The following CDC7 variants were observed in gnomAD, a reference collection of about 807,000 sequenced individuals.
CDC7 encodes the protein cell division cycle 7.
Under a neutral mutation model 53.5 loss-of-function variants are expected in CDC7, and 34 were observed. The ratio of observed to expected loss-of-function variants is 0.64; its 90% confidence interval spans 0.48 to 0.85. The LOEUF is 0.85. CDC7 is among the 40% of genes least tolerant of loss of function. CDC7 has a pLI of 0.00. For synonymous variants in CDC7, 211 were observed against 222.8 expected (o/e 0.95, Z 0.47); for missense variants, 594 against 679.7 (o/e 0.87, Z 1.40).
At chr1:91,508,544 C>A (rs904588431) in intron 4 of CDC7, 147 bp downstream of exon 4, 3 of 586,388 alleles carry the variant, frequency 5.1e-6, no homozygotes, top group African/African-American at 1.9e-5. Flanking sequence ...TTCCTTCTAA[C>A]CTTGCAATAG....
chr1:91,508,881 T>TC (rs1410094065), intron 4 of CDC7, among the ~76,000 whole-genome samples: 1 of 152,146 alleles, frequency 6.6e-6, no homozygotes, highest in African/African-American at 2.4e-5. Flanking sequence ...ATTTCTTTGT[T>TC]CCCCCTTACA....
chr1:91,506,617 C>A (rs1198916384), intron 2 of CDC7, among the ~76,000 whole-genome samples: 1 of 152,034 alleles, frequency 6.6e-6, no homozygotes, highest in African/African-American at 2.4e-5. Flanking sequence ...TTTTTACATA[C>A]CCATTGCTGA....
chr1:91,513,543 T>C (rs1667400087), intron 7 of CDC7, among the ~76,000 whole-genome samples: 1 of 152,216 alleles, frequency 6.6e-6, no homozygotes, highest in South Asian at 2.1e-4. Context: ...TTAACTATTA[T>C]GAAATCATAT....
chr1:91,502,477 C>A (rs747749221), intron 2 of CDC7, among the ~76,000 whole-genome samples: 3 of 151,926 alleles, frequency 2.0e-5, no homozygotes, highest in South Asian at 4.1e-4. Context: ...GTAGCCAGAT[C>A]ATCTTTCCCA....
In CDC7 at chr1:91,525,431, A is replaced by AGT. The variant is rs13447561; in HGVS notation, c.*997_*998dup. 0.045 allele frequency: 6,796 copies of AGT among 152,190 alleles called. 374 individuals are homozygous for AGT. The highest frequency in any genetic ancestry group is 0.17 in the East Asian group (891 of 5,166). The allele number at this position is 152,190 out of a possible 1,614,324, so 9.4% of individuals were successfully genotyped here. A position where few individuals can be genotyped will look rare whatever the true frequency, so the allele number is the denominator to read the frequency against. ...GGTGGGTTGGGAAGACAGATAATGA[A>AGT]GTAGGCAAAGAGAAAAGGACCCAAG... On this transcript the variant is annotated 3_prime_UTR_variant, in exon 12 of 12. Transcript: ENST00000234626.
chr1:91,513,314 T>G lies in CDC7; in HGVS notation c.822+7T>G, dbSNP rs776300794. The G allele has an allele frequency of 1.9e-6, 3 of 1,610,198 alleles. No homozygotes were observed. The highest frequency in any genetic ancestry group is 4.5e-5 in the East Asian group (2 of 44,858). ...ACAAGGAAAAGACGGAAAGGTTCTA[T>G]CTCTTTTATTTCTTAAGTACCGACA... On this transcript the variant is annotated splice_region_variant and intron_variant, in intron 7 of 11. Coordinates refer to ENST00000234626, the MANE Select transcript of CDC7 (RefSeq NM_003503.4).
At chr1:91,505,201 G>T (rs1464998658) in intron 2 of CDC7, among the ~76,000 whole-genome samples, 1 of 152,134 alleles carries the variant, frequency 6.6e-6, no homozygotes, top group Non-Finnish European at 1.5e-5. Context: ...CAAGTACAAA[G>T]ACCCTGAGAT....
At chr1:91,506,811 G>A (rs962060435) in intron 2 of CDC7, among the ~76,000 whole-genome samples, 3 of 152,072 alleles carry the variant, frequency 2.0e-5, no homozygotes, top group African/African-American at 7.2e-5. Context: ...TTAGCTGGGC[G>A]TGGTGTTGCG....
chr1:91,506,976 A>G (rs781466173), intron 2 of CDC7, among the ~76,000 whole-genome samples: 4 of 152,142 alleles, frequency 2.6e-5, no homozygotes, highest in Non-Finnish European at 5.9e-5. Flanking sequence ...TAGAAAATAT[A>G]TATAATCAGC....
At chr1:91,511,507 A>T (rs1667284491) in intron 4 of CDC7, 90 bp from the exon 5 acceptor site, 1 of 709,116 alleles carries the variant, frequency 1.4e-6, no homozygotes, top group Non-Finnish European at 2.5e-6. Context: ...ATATGTATGC[A>T]TTGCTAAAAT....
chr1:91,523,291 G>C (rs1026105420), intron 11 of CDC7, among the ~76,000 whole-genome samples: 1 of 152,104 alleles, frequency 6.6e-6, no homozygotes, highest in African/African-American at 2.4e-5. Flanking sequence ...TTTAGGATAG[G>C]TTGGTCAAGA....
intron 10 of CDC7, among the ~76,000 whole-genome samples, chr1:91,516,792 C>T (rs1298761775): frequency 1.3e-5 from 2 of 152,120 alleles, no homozygotes; most frequent in East Asian, 1.9e-4. Context: ...TGGCCAGACG[C>T]GGTGGCTCAT....
intron 10 of CDC7, among the ~76,000 whole-genome samples, chr1:91,518,318 A>G (rs971118907): frequency 4.6e-5 from 7 of 152,184 alleles, no homozygotes; most frequent in African/African-American, 1.7e-4. Context: ...CACTATGGAA[A>G]ACAATTTGGA....
intron 10 of CDC7, 44 bp downstream of exon 10, chr1:91,515,920 TC>T: frequency 1.4e-6 from 2 of 1,422,252 alleles, no homozygotes; most frequent in Non-Finnish European, 2.0e-6. Context: ...AATGGATTGT[TC>T]CAGACGTATT....
At chr1:91,502,214 C>CA (rs1341401136) in intron 2 of CDC7, among the ~76,000 whole-genome samples, 2 of 152,018 alleles carry the variant, frequency 1.3e-5, no homozygotes, top group Non-Finnish European at 2.9e-5. Flanking sequence ...AACTCACAGA[C>CA]AAAAAAATAT....
chr1:91,505,024 T>C (rs1279971750), intron 2 of CDC7, among the ~76,000 whole-genome samples: 2 of 151,904 alleles, frequency 1.3e-5, no homozygotes, highest in Non-Finnish European at 2.9e-5. Context: ...GAAGGGGAGA[T>C]AGGAAGTATT....
chr1:91,514,074 C>A lies in CDC7; in HGVS notation c.918+31C>A. 2.2e-6 allele frequency: 3 copies of A among 1,374,142 alleles called. No homozygotes were observed. In the South Asian group the frequency reaches 3.5e-5, roughly 16 times the overall value. 85.1% of individuals were successfully genotyped at this position (1,374,142 alleles called of 1,614,324 possible). On this transcript the variant is annotated intron_variant, in intron 8 of 11. Coordinates refer to ENST00000234626, the MANE Select transcript of CDC7 (RefSeq NM_003503.4). ...TAATGTAGCTTAATAGCATAATGGTCAGTCAGTCATACACTGAAGAGAATT... is the reference window on the plus strand; with the variant it reads ...TAATGTAGCTTAATAGCATAATGGTAAGTCAGTCATACACTGAAGAGAATT...
intron 6 of CDC7, 100 bp downstream of exon 6, chr1:91,512,023 A>C: frequency 1.2e-6 from 1 of 860,298 alleles, no homozygotes; most frequent in Non-Finnish European, 1.7e-6. Context: ...TATATATAGT[A>C]CAAAAGTTAC....
chr1:91,501,573 C>T lies in CDC7; in HGVS notation c.-63-81C>T, dbSNP rs191269828. On this transcript the variant is annotated intron_variant, in intron 1 of 11. Coordinates refer to ENST00000234626, the MANE Select transcript of CDC7 (RefSeq NM_003503.4). ...CACATCGTGCGTTTGAAAATGTTTG[C>T]CCCTTTGGGGGGCAGTAGCATGTTT... 1.3e-5 allele frequency: 9 copies of T among 676,420 alleles called. No individual in the cohort carries two copies. In the Admixed American group the frequency reaches 1.7e-4, roughly 13 times the overall value. 41.9% of individuals were successfully genotyped at this position (676,420 alleles called of 1,614,324 possible).
Sources: allele counts gnomAD v4.1 joint callset (sites outside exome capture counted in the v4.1 genomes callset), GRCh38; gene constraint gnomAD v4.1.1; transcripts MANE v1.5; gene names NCBI Gene and HGNC (gene_info 2026-07-23, HGNC 2026-07-21).